CA12: variants seen among roughly 807,000 people sequenced by gnomAD.
CA12 encodes carbonate dehydratase XII.
In CA12, 36 loss-of-function variants were observed where a neutral mutation model predicts 46.8. The observed-to-expected ratio is 0.77, with a 90% CI of 0.59 to 1.02. CA12 has a LOEUF of 1.02. Among genes scored for constraint, CA12 ranks in the 50% least tolerant of loss-of-function variants. The pLI, the probability that CA12 is intolerant of heterozygous loss-of-function variation, is 0.00. For synonymous variants in CA12, 202 were observed against 187.0 expected (o/e 1.08, Z -0.65); for missense variants, 436 against 451.4 (o/e 0.97, Z 0.31).
In CA12 at chr15:63,333,986, CA is replaced by C. The variant is rs2038966907; in HGVS notation, c.874+4832del. Among the ~76,000 whole-genome samples, 3 of 152,152 alleles carry C rather than the reference CA, an allele frequency of 2.0e-5. No individual in the cohort carries two copies. In the South Asian group the frequency reaches 6.2e-4, roughly 32 times the overall value. On this transcript the variant is annotated intron_variant, in intron 8 of 10. Coordinates refer to ENST00000178638, the MANE Select transcript of CA12 (RefSeq NM_001218.5). ...TCTGATGGGCTCTTGCTTCATTACC[CA>C]GCATCTGGGCCCAGTGTTGGTGCCA... is the stretch of plus-strand genomic sequence containing the variant.
chr15:63,370,022 C>T (rs747646266), intron 2 of CA12, among the ~76,000 whole-genome samples: 12 of 152,124 alleles, frequency 7.9e-5, no homozygotes, highest in Non-Finnish European at 1.5e-4. Flanking sequence ...CGGGCCACAC[C>T]ACATCCAGAC....
chr15:63,332,175 G>A (rs1419120560), intron 8 of CA12, among the ~76,000 whole-genome samples: 1 of 152,190 alleles, frequency 6.6e-6, no homozygotes, highest in Non-Finnish European at 1.5e-5. Flanking sequence ...AAAAATCAGA[G>A]AGTCAAGAAA....
rs1166473151 is a variant in CA12 at position 63,337,907 on chromosome 15, G to T, written c.874+912C>A. Among the ~76,000 whole-genome samples, 5 of 152,234 alleles carry T rather than the reference G, an allele frequency of 3.3e-5. No individual in the cohort carries two copies. The East Asian group carries it at 9.7e-4, about 30-fold the overall frequency. ...ACGCCAGGCCCGGTTTGGTCCACAC[G>T]TGATGCTGGGGATGAAATGGAACTG... is the stretch of plus-strand genomic sequence containing the variant. On this transcript the variant is annotated intron_variant, in intron 8 of 10. Coordinates refer to ENST00000178638, the MANE Select transcript of CA12 (RefSeq NM_001218.5).
intron 4 of CA12, among the ~76,000 whole-genome samples, chr15:63,342,727 A>G (rs2039097881): frequency 6.6e-6 from 1 of 152,130 alleles, no homozygotes; most frequent in African/African-American, 2.4e-5. Flanking sequence ...GTCCATTCAG[A>G]TGGCAGGTGG....
intron 8 of CA12, among the ~76,000 whole-genome samples, chr15:63,336,722 CT>C (rs112744516): frequency 0.7 from 106,271 of 150,828 alleles, 37,642 homozygotes; most frequent in East Asian, 0.9. Flanking sequence ...AAACCAAGGC[CT>C]GAAGAAGGGA....
chr15:63,343,296 T>TTTC (rs2039105036), intron 4 of CA12, among the ~76,000 whole-genome samples: 1 of 145,738 alleles, frequency 6.9e-6, no homozygotes, highest in Admixed American at 6.9e-5. Flanking sequence ...TTTTTTTTTT[T>TTTC]TTTTAATGGA....
chr15:63,375,195 C>T (rs1337287228), intron 2 of CA12, among the ~76,000 whole-genome samples: 2 of 152,208 alleles, frequency 1.3e-5, no homozygotes, highest in Non-Finnish European at 2.9e-5. Flanking sequence ...AGCTTACAAT[C>T]ACGGCAACAA....
intron 8 of CA12, among the ~76,000 whole-genome samples, chr15:63,335,473 ATTAT>A (rs138826000): frequency 0.045 from 6,745 of 151,450 alleles, 186 homozygotes; most frequent in Middle Eastern, 0.065. Flanking sequence ...TTAAATTTTA[ATTAT>A]TTAAGAGACA....
rs2038815196 is a variant in CA12, at chr15:63,323,125, T to C, written c.*3160A>G. On this transcript the variant is annotated 3_prime_UTR_variant, in exon 11 of 11. Coordinates refer to ENST00000178638, the MANE Select transcript of CA12 (RefSeq NM_001218.5). The surrounding 1 kb of genome is among the most constrained non-coding windows in gnomAD (Gnocchi z 5.1). The stretch of plus-strand genomic sequence containing the variant: ...CAACCAAGAGGGGCTGCCCACCTAC[T>C]AGGTTTAATACTCTCAGGAGTAAAG... 6.6e-6 allele frequency: 1 copy of C among 152,208 alleles called. No individual in the cohort carries two copies. The highest frequency in any genetic ancestry group is 1.5e-5 in the Non-Finnish European group (1 of 68,030). The allele number at this position is 152,208 out of a possible 1,614,324, so 9.4% of individuals were successfully genotyped here.
chr15:63,338,560 C>T (rs970012080), intron 8 of CA12, among the ~76,000 whole-genome samples: 3 of 152,200 alleles, frequency 2.0e-5, no homozygotes, highest in African/African-American at 7.2e-5. Flanking sequence ...CCCATCTGTG[C>T]AAGACTCCCA....
At chr15:63,334,606 C>T (rs1310313772) in intron 8 of CA12, among the ~76,000 whole-genome samples, 2 of 152,040 alleles carry the variant, frequency 1.3e-5, no homozygotes, top group Non-Finnish European at 2.9e-5. Context: ...ATGACTTTCA[C>T]TTTTCCATAA....
chr15:63,364,529 C>T lies in CA12; in HGVS notation c.106+11129G>A, dbSNP rs565604084. On this transcript the variant is annotated intron_variant, in intron 2 of 10. Transcript: ENST00000178638. ...CTGGGAGTATGTGTGAGTACAGACA[C>T]ATCTAAAAACACAAATACGCAGATG... 2.6e-5 allele frequency among the ~76,000 whole-genome samples: 4 copies of T among 152,152 alleles called. No homozygotes were observed. The South Asian group carries it at 6.2e-4, about 24-fold the overall frequency.
At chr15:63,354,760 T>C (rs567328326) in intron 2 of CA12, among the ~76,000 whole-genome samples, 1 of 152,058 alleles carries the variant, frequency 6.6e-6, no homozygotes, top group Non-Finnish European at 1.5e-5. Context: ...CATCCAGCCA[T>C]GGTGGTGGGG....
intron 2 of CA12, among the ~76,000 whole-genome samples, chr15:63,354,264 A>G (rs1312359943): frequency 6.6e-6 from 1 of 151,752 alleles, no homozygotes; most frequent in African/African-American, 2.4e-5. Context: ...GGAGGGCTAG[A>G]AGGGGAGGGT....
chr15:63,366,138 CAA>C (rs10680238), intron 2 of CA12, among the ~76,000 whole-genome samples: 5 of 116,914 alleles, frequency 4.3e-5, no homozygotes, highest in African/African-American at 1.6e-4. Context: ...GAGACTATCT[CAA>C]AAAAAAAAAA....
In CA12 at chr15:63,355,647, T is replaced by C. The variant is rs1004325599; in HGVS notation, c.107-8938A>G. Among the ~76,000 whole-genome samples, 4 of 152,068 alleles carry C rather than the reference T, an allele frequency of 2.6e-5. No homozygotes were observed. Among genetic ancestry groups the C allele is most frequent in the Non-Finnish European group, 5.9e-5 (4 of 68,010 alleles). ...CACACTGAAGTGTTCAACAAACAGC[T>C]CTTGAACTAAGCAACAAACAACAGC... On this transcript the variant is annotated intron_variant, in intron 2 of 10. Transcript: ENST00000178638. This position sits in a 1 kb window ranked among gnomAD's most constrained non-coding sequence, Gnocchi z 4.1.
In CA12 at chr15:63,373,000, G is replaced by T. The variant is rs1367914719; in HGVS notation, c.106+2658C>A. On this transcript the variant is annotated intron_variant, in intron 2 of 10. Coordinates refer to ENST00000178638, the MANE Select transcript of CA12 (RefSeq NM_001218.5). This position sits in a 1 kb window ranked among gnomAD's most constrained non-coding sequence, Gnocchi z 4.5. ...TAGTGGTCAGGGAGAAATGCTTCTGGACAGGTCAGTGTGGCTGCACTGAGA... is the reference window on the plus strand; with the variant it reads ...TAGTGGTCAGGGAGAAATGCTTCTGTACAGGTCAGTGTGGCTGCACTGAGA... 6.6e-6 allele frequency among the ~76,000 whole-genome samples: 1 copy of T among 152,176 alleles called. No homozygotes were observed. Among genetic ancestry groups the T allele is most frequent in the African/African-American group, 2.4e-5 (1 of 41,424 alleles).
rs2038801248 is a variant in CA12, at chr15:63,322,380, A to T, written c.*3905T>A. The T allele has an allele frequency of 6.6e-6, 1 of 151,654 alleles. No individual in the cohort carries two copies. The highest frequency in any genetic ancestry group is 1.5e-5 in the Non-Finnish European group (1 of 68,020). The allele number at this position is 151,654 out of a possible 1,614,324, so 9.4% of individuals were successfully genotyped here. Reference sequence around the variant, plus strand: ...AGATCTGTTGGATTATCTAAAATTAAATTTAAATTAATGTCACTGGTTTTT... The same window carrying T: ...AGATCTGTTGGATTATCTAAAATTATATTTAAATTAATGTCACTGGTTTTT... On this transcript the variant is annotated 3_prime_UTR_variant, in exon 11 of 11. Coordinates refer to ENST00000178638, the MANE Select transcript of CA12 (RefSeq NM_001218.5). This position sits in a 1 kb window ranked among gnomAD's most constrained non-coding sequence, Gnocchi z 4.1.
At chr15:63,362,872 T>C (rs952726706) in intron 2 of CA12, among the ~76,000 whole-genome samples, 2 of 152,216 alleles carry the variant, frequency 1.3e-5, no homozygotes, top group African/African-American at 4.8e-5. Flanking sequence ...GTCTCTTCTC[T>C]AGAGATGCGT....
Sources: allele counts gnomAD v4.1 joint callset (sites outside exome capture counted in the v4.1 genomes callset), GRCh38; gene constraint gnomAD v4.1.1; non-coding constraint Gnocchi (gnomAD v3.1); transcripts MANE v1.5; gene names NCBI Gene and HGNC (gene_info 2026-07-23, HGNC 2026-07-21).